The following TMEM178B variants were observed in gnomAD, a reference collection of about 807,000 sequenced individuals.
The protein encoded by TMEM178B is transmembrane protein 178B.
A neutral mutation model predicts 31.0 loss-of-function variants in TMEM178B; 5 were observed. The ratio of observed to expected loss-of-function variants is 0.16; its 90% CI spans 0.08 to 0.34. The LOEUF (loss-of-function observed/expected upper bound fraction) is 0.34. Ranked by LOEUF, TMEM178B falls within the 10% of genes least tolerant of loss-of-function variation. The pLI is 1.00. For synonymous variants in TMEM178B, 164 were observed against 164.0 expected (o/e 1.00, Z 0.00); for missense variants, 275 against 400.3 (o/e 0.69, Z 2.67).
intron 3 of TMEM178B, among the ~76,000 whole-genome samples, chr7:141,457,221 T>A (rs1801981193): frequency 6.6e-6 from 1 of 152,210 alleles, no homozygotes; most frequent in Non-Finnish European, 1.5e-5. Context: ...TGCAGCCAAA[T>A]AATTTGAGGC....
intron 3 of TMEM178B, among the ~76,000 whole-genome samples, chr7:141,455,054 A>G (rs1301262509): frequency 4.6e-5 from 7 of 152,110 alleles, no homozygotes; most frequent in African/African-American, 1.7e-4. Flanking sequence ...TCTTCTGACC[A>G]CCAGCTTCCT....
At chr7:141,402,353 T>G (rs1251834856) in intron 2 of TMEM178B, among the ~76,000 whole-genome samples, 2 of 152,172 alleles carry the variant, frequency 1.3e-5, no homozygotes, top group Admixed American at 1.3e-4. Context: ...TAGGCCCCCT[T>G]TGTGCATTCT....
the TMEM178B span, among the ~76,000 whole-genome samples, chr7:141,511,020 C>T: frequency 0.038 from 5,751 of 152,088 alleles, 342 homozygotes; most frequent in African/African-American, 0.13. Flanking sequence ...GAGCTTGGAA[C>T]GTCAGCTCCA....
chr7:141,495,996 C>G, the TMEM178B span, among the ~76,000 whole-genome samples: 1 of 152,190 alleles, frequency 6.6e-6, no homozygotes, highest in African/African-American at 2.4e-5. Flanking sequence ...TGTTTACATA[C>G]TTGATCTTTT....
intron 2 of TMEM178B, among the ~76,000 whole-genome samples, chr7:141,407,738 G>A (rs879594295): frequency 2.7e-4 from 41 of 152,128 alleles, no homozygotes; most frequent in African/African-American, 8.5e-4. Flanking sequence ...TCTGATGCCC[G>A]AACCTACATC....
intron 2 of TMEM178B, among the ~76,000 whole-genome samples, chr7:141,396,487 G>A (rs1271985288): frequency 6.6e-6 from 1 of 151,996 alleles, no homozygotes; most frequent in Non-Finnish European, 1.5e-5. Context: ...ATGACCTTCA[G>A]GGCTCAACGG....
intron 2 of TMEM178B, among the ~76,000 whole-genome samples, chr7:141,321,635 A>G (rs1483889328): frequency 6.6e-6 from 1 of 152,174 alleles, no homozygotes; most frequent in Non-Finnish European, 1.5e-5. Flanking sequence ...TGTTCTGCTA[A>G]GAGTACCAGG....
intron 1 of TMEM178B, among the ~76,000 whole-genome samples, chr7:141,176,353 G>A (rs1434253007): frequency 1.3e-5 from 2 of 152,124 alleles, no homozygotes; most frequent in Non-Finnish European, 2.9e-5. Flanking sequence ...TGTTGGATTC[G>A]GTTTGCCAGT....
At chr7:141,339,677 A>T (rs1799484045) in intron 2 of TMEM178B, among the ~76,000 whole-genome samples, 1 of 152,244 alleles carries the variant, frequency 6.6e-6, no homozygotes, top group African/African-American at 2.4e-5. Context: ...ATCTTCAAGG[A>T]TATGTGGCCT....
At chr7:141,278,393 C>T (rs1442477650) in intron 2 of TMEM178B, among the ~76,000 whole-genome samples, 4 of 152,066 alleles carry the variant, frequency 2.6e-5, no homozygotes, top group African/African-American at 7.2e-5. Flanking sequence ...ACCAGCCTGG[C>T]CAACATGGTG....
rs563082249 is a variant in TMEM178B, at chr7:141,116,881, A to G, written c.382+42189A>G. Among the ~76,000 whole-genome samples, 59 of 152,246 alleles carry G rather than the reference A, an allele frequency of 3.9e-4. No individual in the cohort carries two copies. In the South Asian group the frequency reaches 7.9e-3, roughly 20 times the overall value. On this transcript the variant is annotated intron_variant, in intron 1 of 3. Transcript: ENST00000565468. Reference sequence around the variant, plus strand: ...TTATGGCTGCATAGTATTCCATGGCATATATGTGCCACATTTTCTTTATCC... The same window carrying G: ...TTATGGCTGCATAGTATTCCATGGCGTATATGTGCCACATTTTCTTTATCC...
intron 2 of TMEM178B, chr7:141,429,697 G>A (rs951979433): frequency 1.3e-5 from 2 of 152,134 alleles, no homozygotes; most frequent in Admixed American, 6.5e-5. Flanking sequence ...TAGCTGTTAC[G>A]TGCTCCTCCC....
At chr7:141,244,078 T>G (rs1756478200) in intron 2 of TMEM178B, among the ~76,000 whole-genome samples, 1 of 152,140 alleles carries the variant, frequency 6.6e-6, no homozygotes, top group South Asian at 2.1e-4. Flanking sequence ...TTTCTCACGA[T>G]TTTTTCAAAC....
At position 141,245,238 on chromosome 7, in the gene TMEM178B, G is replaced by C. The variant is rs551670716; in HGVS notation, c.496+32534G>C. On this transcript the variant is annotated intron_variant, in intron 2 of 3. Coordinates refer to ENST00000565468, the MANE Select transcript of TMEM178B (RefSeq NM_001195278.2). ...AGGATGCACAGGGGAGGTAGGAGGA[G>C]AGCCAAGAAACATCATGTTAAGGGG... Among the ~76,000 whole-genome samples the C allele has an allele frequency of 6.9e-5, 9 of 130,240 alleles. No homozygotes were observed. In the East Asian group the frequency reaches 1.9e-3, roughly 27 times the overall value. 85.4% of individuals were successfully genotyped at this position (130,240 alleles called of 152,430 possible).
chr7:141,411,766 T>C (rs1800994325), intron 2 of TMEM178B, among the ~76,000 whole-genome samples: 1 of 152,230 alleles, frequency 6.6e-6, no homozygotes, highest in Non-Finnish European at 1.5e-5. Context: ...TTGAACTTCA[T>C]TTAAAACGGT....
chr7:141,152,757 G>C (rs752112282), intron 1 of TMEM178B, among the ~76,000 whole-genome samples: 2 of 152,206 alleles, frequency 1.3e-5, no homozygotes, highest in Non-Finnish European at 2.9e-5. Context: ...CAGTTAGGTA[G>C]ACTCTATTAG....
At chr7:141,227,076 G>A (rs1187132573) in intron 2 of TMEM178B, among the ~76,000 whole-genome samples, 6 of 152,188 alleles carry the variant, frequency 3.9e-5, no homozygotes, top group Non-Finnish European at 7.4e-5. Flanking sequence ...TGTGTGGACA[G>A]CACTGGAGCT....
chr7:141,325,601 G>C (rs1799175388), intron 2 of TMEM178B, among the ~76,000 whole-genome samples: 1 of 152,164 alleles, frequency 6.6e-6, no homozygotes, highest in Admixed American at 6.5e-5. Flanking sequence ...CTACTGCACT[G>C]ACAGGGCCCA....
intron 1 of TMEM178B, among the ~76,000 whole-genome samples, chr7:141,113,154 G>T (rs917795032): frequency 2.0e-5 from 3 of 152,216 alleles, no homozygotes; most frequent in Non-Finnish European, 4.4e-5. Flanking sequence ...TCATGTCTGT[G>T]TGGCTGATTG....
Sources: allele counts gnomAD v4.1 joint callset (sites outside exome capture counted in the v4.1 genomes callset), GRCh38; gene constraint gnomAD v4.1.1; transcripts MANE v1.5; gene names NCBI Gene and HGNC (gene_info 2026-07-23, HGNC 2026-07-21).